The following RYR3 variants were observed in gnomAD, a reference collection of about 807,000 sequenced individuals.
The protein encoded by RYR3 is ryanodine receptor 3.
A neutral mutation model predicts 584.3 loss-of-function variants in RYR3; 207 were observed. The ratio of observed to expected loss-of-function variants is 0.35; its 90% confidence interval spans 0.32 to 0.40. RYR3 has a LOEUF of 0.40. RYR3 is among the 10% of genes least tolerant of loss of function. The pLI, the probability that RYR3 is intolerant of heterozygous loss-of-function variation, is 1.00. For missense variants in RYR3, 5,616 were observed against 6,089.2 expected, an observed-to-expected ratio of 0.92 and a Z score of 2.59; for synonymous variants, 2,416 against 2,248.5, an observed-to-expected ratio of 1.07 and a Z score of -2.11.
chr15:33,787,571 CTTTCTCTGATTGCTT>C (rs2074815388), intron 66 of RYR3, among the ~76,000 whole-genome samples: 1 of 151,828 alleles, frequency 6.6e-6, no homozygotes, highest in South Asian at 2.1e-4. Flanking sequence ...GCATATTGCT[CTTTCTCTGATTGCTT>C]GTTTCTGCTT....
chr15:33,845,914 T>C (rs1040111782), intron 93 of RYR3, among the ~76,000 whole-genome samples: 6 of 152,354 alleles, frequency 3.9e-5, no homozygotes, highest in African/African-American at 1.4e-4. Flanking sequence ...TTCTGTGAGA[T>C]GACTGGCACA....
intron 43 of RYR3, among the ~76,000 whole-genome samples, chr15:33,717,168 A>G (rs968027309): frequency 1.1e-4 from 17 of 152,288 alleles, no homozygotes; most frequent in Admixed American, 2.6e-4. Context: ...GCATGGTTTC[A>G]TGGCTTTGAA....
rs565515228 is a variant in RYR3, at chr15:33,616,455, G to A, written c.2357+3080G>A. On this transcript the variant is annotated intron_variant, in intron 19 of 103. Transcript: ENST00000634891. ...ATAGTTGACTGAAAGGTATCCACAT[G>A]TAGAAGACATTTCTGGGATCTGGTG... is the stretch of plus-strand genomic sequence containing the variant. Among the ~76,000 whole-genome samples the A allele has an allele frequency of 6.4e-4, 98 of 152,326 alleles. 1 individual carries two copies. Among genetic ancestry groups the A allele is most frequent in the Non-Finnish European group, 1.2e-3 (83 of 68,030 alleles).
chr15:33,683,587 T>C (rs1364403664), intron 38 of RYR3, among the ~76,000 whole-genome samples: 2 of 152,170 alleles, frequency 1.3e-5, no homozygotes, highest in Admixed American at 1.3e-4. Flanking sequence ...ACGGGTGATT[T>C]CTGCATTTCC....
intron 49 of RYR3, among the ~76,000 whole-genome samples, chr15:33,737,788 T>A (rs1330250601): frequency 6.6e-6 from 1 of 152,198 alleles, no homozygotes; most frequent in East Asian, 1.9e-4. Context: ...TTGATATCAC[T>A]CAATAAGCTC....
Position 33,789,402 on chromosome 15 carries a change from G to A in RYR3, c.9830+944G>A, listed in dbSNP as rs377637703. Among the ~76,000 whole-genome samples the A allele has an allele frequency of 8.6e-5, 13 of 151,538 alleles. 1 individual carries two copies. The highest frequency in any genetic ancestry group is 2.9e-4 in the African/African-American group (12 of 41,346). On this transcript the variant is annotated intron_variant, in intron 67 of 103. Coordinates refer to ENST00000634891, the MANE Select transcript of RYR3 (RefSeq NM_001036.6). ...GAGGTTCTCCATGATCCAGGCAAGA[G>A]TGGAATGTGATCCATAGAAACTGAA...
intron 15 of RYR3, among the ~76,000 whole-genome samples, chr15:33,585,718 A>G (rs1432651397): frequency 6.6e-6 from 1 of 152,182 alleles, no homozygotes; most frequent in East Asian, 1.9e-4. Context: ...GCTTCTCTGT[A>G]TTTTGACACA....
intron 78 of RYR3, 103 bp from the exon 79 acceptor site, chr15:33,821,167 A>G (rs916319558): frequency 1.4e-5 from 12 of 844,790 alleles, no homozygotes; most frequent in Non-Finnish European, 2.1e-5. Flanking sequence ...GATGTGTGTT[A>G]CCTTCCTTAG....
rs2068040602 is a variant in RYR3, at chr15:33,722,776, C to T, written c.6681C>T (p.Cys2227=). 6.2e-7 allele frequency: 1 copy of T among 1,613,276 alleles called. No homozygotes were observed. The highest frequency in any genetic ancestry group is 1.7e-5 in the Admixed American group (1 of 59,898). ...VVKLLIRRPE[C]FGPALRGEGG... ...AGCTGCTCATCAGACGCCCAGAGTG[C>T]TTCGGCCCGGCCCTGCGGGGTGAGG... Residue 2227 remains cysteine, a synonymous_variant, in exon 44 of 104, where the codon TGC becomes TGT. Transcript: ENST00000634891.
intron 6 of RYR3, 134 bp downstream of exon 6, chr15:33,539,596 C>T: frequency 1.8e-6 from 1 of 568,046 alleles, no homozygotes; most frequent in Non-Finnish European, 3.2e-6. Flanking sequence ...GACCCTTAAA[C>T]AATGTAGGGG....
chr15:33,447,584 A>T (rs11858231), intron 1 of RYR3, among the ~76,000 whole-genome samples: 1,663 of 152,256 alleles, frequency 0.011, 23 homozygotes, highest in African/African-American at 0.038. Flanking sequence ...GGGCTTTTTC[A>T]CAGATAAGAT....
chr15:33,822,235 G>A (rs2077147809), intron 80 of RYR3, among the ~76,000 whole-genome samples: 1 of 152,220 alleles, frequency 6.6e-6, no homozygotes, highest in Admixed American at 6.5e-5. Context: ...ACAGGCTGCA[G>A]AAGACAGGAA....
intron 18 of RYR3, among the ~76,000 whole-genome samples, chr15:33,608,461 A>G (rs1567652942): frequency 6.6e-6 from 1 of 152,244 alleles, no homozygotes; most frequent in Non-Finnish European, 1.5e-5. Context: ...AAGCAATGCC[A>G]CCATTCCATC....
chr15:33,380,353 G>A (rs1468887032), intron 1 of RYR3, among the ~76,000 whole-genome samples: 2 of 152,144 alleles, frequency 1.3e-5, no homozygotes, highest in African/African-American at 4.8e-5. Context: ...GTGGGACTGG[G>A]GATGGGGGAT....
intron 58 of RYR3, among the ~76,000 whole-genome samples, chr15:33,755,775 T>C (rs1384941899): frequency 3.9e-5 from 6 of 152,186 alleles, no homozygotes. Flanking sequence ...CTGCTTTCTT[T>C]CTTTTTTTTC....
chr15:33,725,444 C>T (rs2068314332), intron 45 of RYR3, among the ~76,000 whole-genome samples: 1 of 152,180 alleles, frequency 6.6e-6, no homozygotes, highest in Non-Finnish European at 1.5e-5. Context: ...GCCTACTACA[C>T]CCCGCCAGAG....
At chr15:33,802,864 G>A (rs2075990703) in intron 69 of RYR3, among the ~76,000 whole-genome samples, 1 of 152,228 alleles carries the variant, frequency 6.6e-6, no homozygotes, top group African/African-American at 2.4e-5. Context: ...TGCCTTTGAG[G>A]AGCATCAGGG....
chr15:33,556,872 A>G (rs1185692515), intron 10 of RYR3, among the ~76,000 whole-genome samples: 1 of 152,066 alleles, frequency 6.6e-6, no homozygotes. Context: ...CCAAACTCCA[A>G]TTGTACTCTG....
In RYR3 at chr15:33,658,864, A is replaced by G. The variant is rs76912351; in HGVS notation, c.4309-856A>G. ...CAGTAAATGCCAAACCCTTCAACAG[A>G]AGAACTGGAATGCTGAAGAGTGCAA... On this transcript the variant is annotated intron_variant, in intron 32 of 103. Coordinates refer to ENST00000634891, the MANE Select transcript of RYR3 (RefSeq NM_001036.6). Among the ~76,000 whole-genome samples, 489 of 152,286 alleles carry G rather than the reference A, an allele frequency of 3.2e-3. 4 individuals carry two copies. Among genetic ancestry groups the G allele is most frequent in the African/African-American group, 0.011 (467 of 41,544 alleles).
Sources: gnomAD v4.1 joint callset for allele counts (sites outside exome capture counted in the v4.1 genomes callset) on GRCh38, gnomAD v4.1.1 for gene constraint, MANE v1.5 for transcripts, NCBI Gene and HGNC (gene_info 2026-07-23, HGNC 2026-07-21) for gene names.